TOP3A: variants seen among roughly 807,000 people sequenced by gnomAD.
The protein encoded by TOP3A is DNA topoisomerase III alpha, also known as DNA topoisomerase 3-alpha.
In TOP3A, 64 loss-of-function variants were observed where a neutral mutation model predicts 111.3. That is an observed-to-expected ratio of 0.57 (90% CI 0.47 to 0.71). TOP3A has a LOEUF of 0.71. Among genes scored for constraint, TOP3A ranks in the 30% least tolerant of loss-of-function variants. The probability of loss-of-function intolerance (pLI) is 0.00; values close to 1 mark genes in which losing one functional copy is unlikely to be tolerated. For synonymous variants in TOP3A, 484 were observed against 485.1 expected, an observed-to-expected ratio of 1.00 and a Z score of 0.03; for missense variants, 1,104 against 1,285.0, an observed-to-expected ratio of 0.86 and a Z score of 2.15.
chr17:18,299,505 C>A (rs1314034043), intron 9 of TOP3A, 54 bp downstream of exon 9: 1 of 1,535,332 alleles, frequency 6.5e-7, no homozygotes. Context: ...AGAACCACAG[C>A]CTCAAAACAG....
chr17:18,298,991 A>G (rs892717797), intron 9 of TOP3A, among the ~76,000 whole-genome samples: 1 of 151,618 alleles, frequency 6.6e-6, no homozygotes. Flanking sequence ...CCTTCCCTCC[A>G]CTATTGTCCT....
At chr17:18,312,528 T>G (rs1597992385) in intron 1 of TOP3A, 1 of 163,494 alleles carries the variant, frequency 6.1e-6, no homozygotes, top group East Asian at 1.4e-4. Context: ...GCTAAGCTGG[T>G]GGGACAAATT....
Position 18,299,581 on chromosome 17 carries a change from C to T in TOP3A, c.968G>A (p.Arg323Gln), listed in dbSNP as rs1312703471. The T allele has an allele frequency of 5.0e-6, 8 of 1,614,032 alleles. No homozygotes were observed. Among genetic ancestry groups the T allele is most frequent in the East Asian group, 2.2e-5 (1 of 44,886 alleles). The change falls in exon 9 of 19, where the codon CGG (arginine) becomes CAG (glutamine). Residue 323 changes from arginine to glutamine, a missense_variant. Transcript: ENST00000321105. ...TACCACAGTGTCCAAGGCTTGAGGC[C>T]GCCACTTGCTCTTGGGCTTAGATCT... is the stretch of plus-strand genomic sequence containing the variant. ...EVRSKPKSKW[R>Q]PQALDTVELE...
intron 3 of TOP3A, 147 bp from the exon 4 acceptor site, chr17:18,307,113 C>A: frequency 1.7e-6 from 1 of 588,354 alleles, no homozygotes. Flanking sequence ...TGACCCTCTG[C>A]ATGACACACT....
intron 18 of TOP3A, among the ~76,000 whole-genome samples, 165 bp downstream of exon 18, chr17:18,277,510 C>T (rs1226129048): frequency 6.6e-6 from 1 of 152,240 alleles, no homozygotes; most frequent in Non-Finnish European, 1.5e-5. Flanking sequence ...ACAATTATCA[C>T]CTTGCTGAAA....
chr17:18,275,195 T>C (rs1979263580), intron 18 of TOP3A, among the ~76,000 whole-genome samples: 1 of 148,930 alleles, frequency 6.7e-6, no homozygotes. Context: ...ATGCCTGTGG[T>C]CACAGCTACT....
chr17:18,285,147 T>C lies in TOP3A; in HGVS notation c.1872A>G (p.Ala624=). 1 of 1,613,898 alleles carries C rather than the reference T, an allele frequency of 6.2e-7. No individual in the cohort carries two copies. The highest frequency in any genetic ancestry group is 8.5e-7 in the Non-Finnish European group (1 of 1,180,026). The part of the protein sequence containing the change: ...KQVFIEAVAK[A]KKLDEALAQY... ...TATTTCTTTTAAGGACTTACTTCTTTGCTTTAGCCACCGCTTCAATGAAAA... is the reference window on the plus strand; with the variant it reads ...TATTTCTTTTAAGGACTTACTTCTTCGCTTTAGCCACCGCTTCAATGAAAA... The change falls in exon 15 of 19, where the codon GCA becomes GCG. Residue 624 remains alanine, a synonymous_variant. Transcript: ENST00000321105.
At position 18,282,807 on chromosome 17, in the gene TOP3A, C is replaced by G; in HGVS notation, c.1912G>C (p.Gly638Arg). 6.2e-7 allele frequency: 1 copy of G among 1,614,210 alleles called. No homozygotes were observed. The highest frequency in any genetic ancestry group is 8.5e-7 in the Non-Finnish European group (1 of 1,180,034). The change falls in exon 16 of 19, where the codon GGG (glycine) becomes CGG (arginine). Residue 638 changes from glycine to arginine, a missense_variant. By Grantham distance (125) the Gly-to-Arg change is moderately radical. Coordinates refer to ENST00000321105, the MANE Select transcript of TOP3A (RefSeq NM_004618.5). ...TCTTCTTGCTGGGCCAACTCTGTCC[C>G]ATTCCCAAAGTACTGGGCCAAGGCC... Reference protein sequence around the residue: ...DEALAQYFGNGTELAQQEDIY... With the variant: ...DEALAQYFGNRTELAQQEDIY...
At chr17:18,294,661 TAA>T in intron 10 of TOP3A, 40 bp downstream of exon 10, 1 of 1,434,658 alleles carries the variant, frequency 7.0e-7, no homozygotes, top group Non-Finnish European at 9.8e-7. Context: ...TTCATCCTGA[TAA>T]AGACGGTTCA....
At chr17:18,283,116 C>T (rs979969195) in intron 15 of TOP3A, among the ~76,000 whole-genome samples, 1 of 152,194 alleles carries the variant, frequency 6.6e-6, no homozygotes. Context: ...TGTGGTGGCT[C>T]ACGCCTGTAA....
chr17:18,306,251 A>G (rs1981573522), intron 4 of TOP3A, among the ~76,000 whole-genome samples: 1 of 152,186 alleles, frequency 6.6e-6, no homozygotes, highest in Non-Finnish European at 1.5e-5. Flanking sequence ...TTAACTATAC[A>G]TGCCCTGACT....
chr17:18,294,681 C>T, intron 10 of TOP3A, 22 bp downstream of exon 10: 1 of 1,571,252 alleles, frequency 6.4e-7, no homozygotes, highest in Non-Finnish European at 8.8e-7. Context: ...TCAAATTCTA[C>T]TCCCAAACCC....
At chr17:18,298,464 G>A (rs1407322411) in intron 9 of TOP3A, among the ~76,000 whole-genome samples, 19 of 145,286 alleles carry the variant, frequency 1.3e-4, no homozygotes, top group African/African-American at 2.9e-4. Context: ...CAGCCGCCCC[G>A]TCCGGGAGGT....
chr17:18,296,325 T>C (rs1980800548), intron 9 of TOP3A, among the ~76,000 whole-genome samples: 1 of 152,070 alleles, frequency 6.6e-6, no homozygotes, highest in Admixed American at 6.5e-5. Context: ...GTCATGCCTC[T>C]AATCCCAGCA....
At position 18,285,401 on chromosome 17, in the gene TOP3A, C is replaced by T. The variant is rs7213789; in HGVS notation, c.1711+6G>A. The T allele has an allele frequency of 9.7e-3, 15,715 of 1,613,948 alleles. 712 individuals are homozygous for T. The African/African-American group carries it at 0.13, about 14-fold the overall frequency. ...ACTACCCACTGCAAGCTCTGTCCTC[C>T]CTTACCTTCCACAAGTCCCATGCCC... On this transcript the variant is annotated splice_donor_region_variant and intron_variant, in intron 14 of 18. Coordinates refer to ENST00000321105, the MANE Select transcript of TOP3A (RefSeq NM_004618.5).
intron 15 of TOP3A, 42 bp from the exon 16 acceptor site, chr17:18,282,883 G>A (rs911412113): frequency 1.2e-5 from 20 of 1,609,586 alleles, no homozygotes; most frequent in African/African-American, 4.0e-5. Context: ...GCCAGCAATC[G>A]CTGCAAAGGC....
In TOP3A at chr17:18,306,946, A is replaced by C. The variant is rs772932500; in HGVS notation, c.335T>G (p.Val112Gly). Reference sequence around the variant, plus strand: ...CTTTTCAATTTCTGCTTCAAAGAGGACAAGAGGGTTGCAGCTCTGCCTAGA... The same window carrying C: ...CTTTTCAATTTCTGCTTCAAAGAGGCCAAGAGGGTTGCAGCTCTGCCTAGA... ...FRKWQSCNPL[V>G]LFEAEIEKYC... The change falls in exon 4 of 19, where the codon GTC (valine) becomes GGC (glycine). Residue 112 changes from valine (V) to glycine (G), a missense_variant. Coordinates refer to ENST00000321105, the MANE Select transcript of TOP3A (RefSeq NM_004618.5). 1 of 1,613,832 alleles carries C rather than the reference A, an allele frequency of 6.2e-7. No homozygotes were observed. The highest frequency in any genetic ancestry group is 1.1e-5 in the South Asian group (1 of 91,076).
At chr17:18,291,067 T>C (rs1179199855) in intron 11 of TOP3A, 40 bp from the exon 12 acceptor site, 7 of 1,597,248 alleles carry the variant, frequency 4.4e-6, no homozygotes, top group Non-Finnish European at 6.0e-6. Flanking sequence ...CCCTAGAATA[T>C]CACCTCTCAA....
At chr17:18,310,599 G>A (rs566870185) in intron 1 of TOP3A, among the ~76,000 whole-genome samples, 9 of 152,202 alleles carry the variant, frequency 5.9e-5, no homozygotes, top group Non-Finnish European at 8.8e-5. Flanking sequence ...AGGCAGATTC[G>A]TGGTTGTGAG....
Sources: gnomAD v4.1 joint callset for allele counts (sites outside exome capture counted in the v4.1 genomes callset) on GRCh38, gnomAD v4.1.1 for gene constraint, MANE v1.5 for transcripts, NCBI Gene and HGNC (gene_info 2026-07-23, HGNC 2026-07-21) for gene names.